The following PRKD1 variants were observed in gnomAD, a reference collection of about 807,000 sequenced individuals.
PRKD1 encodes the protein protein kinase D1.
A neutral mutation model predicts 95.9 loss-of-function variants in PRKD1; 63 were observed. The ratio of observed to expected loss-of-function variants is 0.66; its 90% confidence interval spans 0.54 to 0.81. PRKD1 has a LOEUF of 0.81. Ranked by LOEUF, PRKD1 falls within the 30% of genes least tolerant of loss-of-function variation. The probability of loss-of-function intolerance (pLI) is 0.00; values close to 1 mark genes in which losing one functional copy is unlikely to be tolerated. For missense variants in PRKD1, 1,048 were observed against 1,165.3 expected (o/e 0.90, Z 1.47); for synonymous variants, 425 against 423.1 (o/e 1.00, Z -0.05).
chr14:29,861,211 T>A (rs1261579788), intron 1 of PRKD1, among the ~76,000 whole-genome samples: 1 of 151,490 alleles, frequency 6.6e-6, no homozygotes, highest in Admixed American at 6.6e-5. Flanking sequence ...GAAAAAAAAA[T>A]GGAATGGAGA....
At chr14:29,914,921 T>C (rs568457424) in intron 1 of PRKD1, among the ~76,000 whole-genome samples, 1 of 152,150 alleles carries the variant, frequency 6.6e-6, no homozygotes, top group Non-Finnish European at 1.5e-5. Context: ...AGACGGGGTT[T>C]CACCATGTTA....
chr14:29,900,338 T>C (rs1894278394), intron 1 of PRKD1, among the ~76,000 whole-genome samples: 1 of 152,176 alleles, frequency 6.6e-6, no homozygotes, highest in Non-Finnish European at 1.5e-5. Flanking sequence ...CATTCCCTTA[T>C]AGAGTGCATA....
chr14:29,871,099 T>C (rs756011556), intron 1 of PRKD1, among the ~76,000 whole-genome samples: 19 of 152,152 alleles, frequency 1.2e-4, no homozygotes, highest in Non-Finnish European at 2.5e-4. Context: ...TTGCCAAACA[T>C]AGGTGACAAA....
At chr14:29,679,807 A>C (rs777678233) in intron 2 of PRKD1, among the ~76,000 whole-genome samples, 19 of 150,956 alleles carry the variant, frequency 1.3e-4, no homozygotes, top group Non-Finnish European at 2.5e-4. Flanking sequence ...GGCTCACTGC[A>C]ACCTCTGCCT....
At chr14:29,788,782 C>A (rs1027457716) in intron 1 of PRKD1, among the ~76,000 whole-genome samples, 1 of 152,024 alleles carries the variant, frequency 6.6e-6, no homozygotes, top group African/African-American at 2.4e-5. Flanking sequence ...GATATCTAGC[C>A]TTTGCTGAAT....
intron 13 of PRKD1, among the ~76,000 whole-genome samples, chr14:29,606,809 T>G (rs1040640928): frequency 5.9e-5 from 9 of 152,198 alleles, no homozygotes; most frequent in African/African-American, 2.2e-4. Flanking sequence ...AGAAAAGGTC[T>G]TTCAACTCCT....
At chr14:29,588,872 A>C (rs1736914532) in intron 16 of PRKD1, among the ~76,000 whole-genome samples, 1 of 150,096 alleles carries the variant, frequency 6.7e-6, no homozygotes, top group Admixed American at 6.7e-5. Context: ...TCTGGTCTTA[A>C]TTCCTGAGAA....
At chr14:29,899,289 TGTC>T (rs968654302) in intron 1 of PRKD1, among the ~76,000 whole-genome samples, 1 of 152,204 alleles carries the variant, frequency 6.6e-6, no homozygotes, top group African/African-American at 2.4e-5. Context: ...TTTCAAACCT[TGTC>T]AAAAAAACAC....
intron 2 of PRKD1, among the ~76,000 whole-genome samples, chr14:29,722,694 T>C (rs1234723651): frequency 6.6e-6 from 1 of 152,076 alleles, no homozygotes; most frequent in African/African-American, 2.4e-5. Flanking sequence ...TGGATCTGCA[T>C]TTAGTCAGGT....
At chr14:29,750,142 A>G (rs551018420) in intron 1 of PRKD1, among the ~76,000 whole-genome samples, 1 of 152,190 alleles carries the variant, frequency 6.6e-6, no homozygotes, top group Non-Finnish European at 1.5e-5. Flanking sequence ...AGGACGTTTC[A>G]TAAGAGGATC....
At chr14:29,873,097 A>G (rs1020829283) in intron 1 of PRKD1, among the ~76,000 whole-genome samples, 1 of 151,886 alleles carries the variant, frequency 6.6e-6, no homozygotes, top group Non-Finnish European at 1.5e-5. Flanking sequence ...TTTACTTTTT[A>G]TTTTTTGAGA....
intron 16 of PRKD1, among the ~76,000 whole-genome samples, chr14:29,578,858 T>C (rs1892661935): frequency 6.6e-6 from 1 of 152,146 alleles, no homozygotes. Context: ...AAATGCATCA[T>C]AACATGGGTC....
chr14:29,837,568 TA>T (rs1272963910), intron 1 of PRKD1, among the ~76,000 whole-genome samples: 1 of 152,192 alleles, frequency 6.6e-6, no homozygotes, highest in Non-Finnish European at 1.5e-5. Flanking sequence ...GGAGTAGCAT[TA>T]AAGATTTATA....
intron 4 of PRKD1, among the ~76,000 whole-genome samples, chr14:29,646,465 C>T (rs998869141): frequency 6.6e-6 from 1 of 152,012 alleles, no homozygotes; most frequent in African/African-American, 2.4e-5. Context: ...CTATTAAATA[C>T]TGCATGCCTG....
At chr14:29,632,786 T>A in intron 9 of PRKD1, 83 bp downstream of exon 9, 1 of 1,258,078 alleles carries the variant, frequency 7.9e-7, no homozygotes, top group South Asian at 1.3e-5. Context: ...GTTTGTTGGA[T>A]GTATTTCCTA....
chr14:29,897,362 C>G (rs1386403477), intron 1 of PRKD1, among the ~76,000 whole-genome samples: 1 of 152,040 alleles, frequency 6.6e-6, no homozygotes, highest in Non-Finnish European at 1.5e-5. Context: ...AACAACTATA[C>G]AATGGGTATT....
At chr14:29,845,361 T>G (rs1318767677) in intron 1 of PRKD1, among the ~76,000 whole-genome samples, 1 of 152,188 alleles carries the variant, frequency 6.6e-6, no homozygotes, top group East Asian at 1.9e-4. Flanking sequence ...CTGTACATGT[T>G]TAAAGTATTT....
At chr14:29,773,535 T>C (rs1026477386) in intron 1 of PRKD1, among the ~76,000 whole-genome samples, 35 of 151,872 alleles carry the variant, frequency 2.3e-4, no homozygotes, top group African/African-American at 8.2e-4. Flanking sequence ...TGACTCTACA[T>C]GATCCATGAA....
intron 2 of PRKD1, among the ~76,000 whole-genome samples, chr14:29,683,197 T>C (rs898059780): frequency 1.3e-5 from 2 of 152,116 alleles, no homozygotes; most frequent in Admixed American, 1.3e-4. Context: ...GGTTACCATA[T>C]GGGGCTGTAG....
Sources: allele counts gnomAD v4.1 joint callset (sites outside exome capture counted in the v4.1 genomes callset), GRCh38; gene constraint gnomAD v4.1.1; transcripts MANE v1.5; gene names NCBI Gene and HGNC (gene_info 2026-07-23, HGNC 2026-07-21).